The following CDH18 variants were observed in gnomAD, a reference collection of about 807,000 sequenced individuals.
CDH18 encodes the protein cadherin 18.
In CDH18, 31 loss-of-function variants were observed where a neutral mutation model predicts 67.9. The observed-to-expected ratio is 0.46, with a 90% CI of 0.34 to 0.62. The LOEUF is 0.62. Among genes scored for constraint, CDH18 ranks in the 20% least tolerant of loss-of-function variants. CDH18 has a pLI of 0.01. For synonymous variants in CDH18, 362 were observed against 347.2 expected, an observed-to-expected ratio of 1.04 and a Z score of -0.48; for missense variants, 890 against 975.5, an observed-to-expected ratio of 0.91 and a Z score of 1.17.
intron 2 of CDH18, among the ~76,000 whole-genome samples, chr5:20,082,921 T>C (rs1744608571): frequency 6.6e-6 from 1 of 152,158 alleles, no homozygotes; most frequent in Non-Finnish European, 1.5e-5. Context: ...GCACTTTGAT[T>C]TTGGACTTGT....
At chr5:19,669,478 A>AC (rs1329444197) in intron 5 of CDH18, among the ~76,000 whole-genome samples, 2 of 151,722 alleles carry the variant, frequency 1.3e-5, no homozygotes, top group Admixed American at 1.3e-4. Context: ...CTTAGCAGAG[A>AC]CGGGGTTTCT....
At chr5:20,081,632 T>A (rs1282309305) in intron 2 of CDH18, among the ~76,000 whole-genome samples, 1 of 152,298 alleles carries the variant, frequency 6.6e-6, no homozygotes, top group South Asian at 2.1e-4. Flanking sequence ...AAGAATATTA[T>A]GTCTTTTGCA....
intron 2 of CDH18, among the ~76,000 whole-genome samples, chr5:20,023,495 T>C (rs1167101567): frequency 6.6e-6 from 1 of 151,758 alleles, no homozygotes; most frequent in Non-Finnish European, 1.5e-5. Flanking sequence ...CCGTCTCTAC[T>C]AAAAATACAA....
chr5:19,708,817 C>T (rs757928235), intron 5 of CDH18, among the ~76,000 whole-genome samples: 2 of 152,016 alleles, frequency 1.3e-5, no homozygotes, highest in African/African-American at 2.4e-5. Context: ...AAACTCTGTT[C>T]GCAGCTCTCA....
intron 3 of CDH18, among the ~76,000 whole-genome samples, chr5:19,778,149 C>T (rs573947677): frequency 6.6e-6 from 1 of 152,248 alleles, no homozygotes; most frequent in South Asian, 2.1e-4. Context: ...AACCCAACTC[C>T]ATTTGTTACA....
chr5:19,736,962 T>G (rs1768417948), intron 4 of CDH18, among the ~76,000 whole-genome samples: 1 of 152,148 alleles, frequency 6.6e-6, no homozygotes, highest in Non-Finnish European at 1.5e-5. Flanking sequence ...TCAGAGGATT[T>G]CAAGAAGATG....
chr5:20,572,727 T>C (rs544871233), intron 1 of CDH18, among the ~76,000 whole-genome samples: 4 of 152,210 alleles, frequency 2.6e-5, no homozygotes, highest in African/African-American at 9.6e-5. Context: ...GGCTCAGATA[T>C]CTATAAAAAC....
intron 3 of CDH18, among the ~76,000 whole-genome samples, chr5:19,799,435 A>AAC (rs10545142): frequency 0.032 from 4,669 of 143,744 alleles, 212 homozygotes; most frequent in African/African-American, 0.1. Flanking sequence ...AAATATTCTC[A>AAC]ACACACACAC....
chr5:19,624,354 C>T (rs1561491750), intron 5 of CDH18, among the ~76,000 whole-genome samples: 1 of 152,004 alleles, frequency 6.6e-6, no homozygotes, highest in East Asian at 1.9e-4. Flanking sequence ...AGCAAGTTGG[C>T]TGTCATGTTA....
chr5:19,568,119 T>G (rs1038504578), intron 8 of CDH18, among the ~76,000 whole-genome samples: 2 of 152,188 alleles, frequency 1.3e-5, no homozygotes, highest in Admixed American at 1.3e-4. Context: ...CACTATTGAC[T>G]TGGGGCCAGA....
At chr5:19,549,359 T>C (rs797308) in intron 8 of CDH18, among the ~76,000 whole-genome samples, 16,418 of 152,196 alleles carry the variant, frequency 0.11, 1,326 homozygotes, top group African/African-American at 0.22. Flanking sequence ...TGACTGTAAG[T>C]TCTCTGAGGC....
intron 2 of CDH18, among the ~76,000 whole-genome samples, chr5:19,866,287 G>A (rs921626065): frequency 6.6e-6 from 1 of 152,166 alleles, no homozygotes; most frequent in Non-Finnish European, 1.5e-5. Context: ...TTATTATCCT[G>A]TCAAGAAGAA....
chr5:19,865,721 G>C (rs1475511804), intron 2 of CDH18, among the ~76,000 whole-genome samples: 4 of 152,136 alleles, frequency 2.6e-5, no homozygotes, highest in African/African-American at 9.7e-5. Flanking sequence ...GCTCTCTTGA[G>C]CTGCAAGAGA....
In CDH18 at chr5:19,515,257, T is replaced by G. The variant is rs544354142; in HGVS notation, c.1512+5400A>C. On this transcript the variant is annotated intron_variant, in intron 10 of 12. Transcript: ENST00000382275. Reference sequence around the variant, plus strand: ...TGTTTTGGTTACTGTAGCCTTGTAGTATAGTTTGAAGTCAGGTAGCGTGAT... The same window carrying G: ...TGTTTTGGTTACTGTAGCCTTGTAGGATAGTTTGAAGTCAGGTAGCGTGAT... Among the ~76,000 whole-genome samples, 477 of 152,304 alleles carry G rather than the reference T, an allele frequency of 3.1e-3. 4 individuals are homozygous for G. Among genetic ancestry groups the G allele is most frequent in the African/African-American group, 6.9e-3 (288 of 41,570 alleles).
chr5:20,548,911 G>C (rs1001457291), intron 1 of CDH18, among the ~76,000 whole-genome samples: 1 of 152,250 alleles, frequency 6.6e-6, no homozygotes, highest in Middle Eastern at 3.4e-3. Context: ...CAAATACAAT[G>C]TGTTCGATTC....
intron 1 of CDH18, among the ~76,000 whole-genome samples, chr5:20,294,190 C>G (rs1477952464): frequency 1.3e-5 from 2 of 152,178 alleles, no homozygotes; most frequent in Non-Finnish European, 2.9e-5. Context: ...TCAATGCCCA[C>G]TTCTTCATCC....
chr5:20,172,221 T>TACAC (rs1338445626), intron 2 of CDH18, among the ~76,000 whole-genome samples: 2 of 78,346 alleles, frequency 2.6e-5, no homozygotes, highest in African/African-American at 1.1e-4. Flanking sequence ...TATATATATA[T>TACAC]ATGTATATAT....
At chr5:20,476,798 T>C (rs934931651) in intron 1 of CDH18, among the ~76,000 whole-genome samples, 3 of 152,190 alleles carry the variant, frequency 2.0e-5, no homozygotes, top group Non-Finnish European at 2.9e-5. Flanking sequence ...TATAGTACTG[T>C]CTATACCATG....
At chr5:19,605,098 A>T (rs543980151) in intron 6 of CDH18, among the ~76,000 whole-genome samples, 14 of 152,126 alleles carry the variant, frequency 9.2e-5, no homozygotes, top group Non-Finnish European at 1.2e-4. Flanking sequence ...TATGTAAAGG[A>T]AAAGGAATTA....
Sources: gnomAD v4.1 joint callset for allele counts (sites outside exome capture counted in the v4.1 genomes callset) on GRCh38, gnomAD v4.1.1 for gene constraint, MANE v1.5 for transcripts, NCBI Gene and HGNC (gene_info 2026-07-23, HGNC 2026-07-21) for gene names.